ALAD: variants seen among roughly 807,000 people sequenced by gnomAD.
ALAD encodes the protein delta-aminolevulinic acid dehydratase.
Under a neutral mutation model 44.4 loss-of-function variants are expected in ALAD, and 20 were observed. That is an observed-to-expected ratio of 0.45 (90% CI 0.32 to 0.65). The LOEUF (loss-of-function observed/expected upper bound fraction) is 0.65, where lower values mean the gene tolerates loss of function less well. Among genes scored for constraint, ALAD ranks in the 30% least tolerant of loss-of-function variants. The probability of loss-of-function intolerance (pLI) is 0.05; values close to 1 mark genes in which losing one functional copy is unlikely to be tolerated. For missense variants in ALAD, 323 were observed against 445.7 expected (o/e 0.72, Z 2.48); for synonymous variants, 156 against 167.9 (o/e 0.93, Z 0.55).
In ALAD at chr9:113,387,558, G is replaced by T. The variant is rs187307200; in HGVS notation, c.*742C>A. The T allele has an allele frequency of 3.3e-5, 5 of 152,568 alleles. No homozygotes were observed. Among genetic ancestry groups the T allele is most frequent in the Admixed American group, 6.5e-5 (1 of 15,320 alleles). The allele number at this position is 152,568 out of a possible 1,614,324, so 9.5% of individuals were successfully genotyped here. On this transcript the variant is annotated 3_prime_UTR_variant, in exon 12 of 12. Transcript: ENST00000409155. ...AATTTCTATGAAGAGATAAGCTGAG[G>T]TCTGTCCTGCTGTATTCCCAGGACC...
At chr9:113,397,258 G>A (rs1464796526) in intron 1 of ALAD, 1 of 152,242 alleles carries the variant, frequency 6.6e-6, no homozygotes, top group Non-Finnish European at 1.5e-5. Context: ...ATTGCTTTCA[G>A]GAGGCTGAGG....
chr9:113,389,077 G>A lies in ALAD; in HGVS notation c.831C>T (p.His277=), dbSNP rs750264863. 60 of 1,613,882 alleles carry A rather than the reference G, an allele frequency of 3.7e-5. No individual in the cohort carries two copies. The highest frequency in any genetic ancestry group is 1.6e-4 in the Middle Eastern group (1 of 6,084). The change falls in exon 11 of 12, where the codon CAC becomes CAT. Residue 277 remains histidine (H), a synonymous_variant. Transcript: ENST00000409155. ...KHPDLPLAVY[H]VSGEFAMLWH... ...ACAGCATGGCAAACTCTCCAGAGAC[G>A]TGGTACACGGCGAGAGGGAGGTCAG...
At chr9:113,393,686 T>C in intron 1 of ALAD, 52 bp from the exon 2 acceptor site, 1 of 736,168 alleles carries the variant, frequency 1.4e-6, no homozygotes, top group Non-Finnish European at 2.4e-6. Context: ...CCTCAGGAGA[T>C]GGTCACATCT....
rs374069780 is a variant in ALAD at position 113,389,459 on chromosome 9, G to C, written c.780C>G (p.Ile260Met). The change falls in exon 10 of 12, where the codon ATC becomes ATG. Residue 260 changes from isoleucine (I) to methionine (M), a missense_variant. Transcript: ENST00000409155. ...TCACCTTGTCCTTTACCTCCCGCAC[G>C]ATGTCCAGGTAGGGCATTCCCGGCT... is the stretch of plus-strand genomic sequence containing the variant. ...MVKPGMPYLD[I>M]VREVKDKHPD... 6 of 1,613,774 alleles carry C rather than the reference G, an allele frequency of 3.7e-6. No homozygotes were observed. Among genetic ancestry groups the C allele is most frequent in the Non-Finnish European group, 5.1e-6 (6 of 1,180,028 alleles).
chr9:113,393,399 C>CAAACCCA, intron 2 of ALAD, 48 bp downstream of exon 2: 1 of 1,543,552 alleles, frequency 6.5e-7, no homozygotes, highest in Non-Finnish European at 9.0e-7. Context: ...TCCCCAACCC[C>CAAACCCA]AACCCCAACC....
chr9:113,399,574 A>G (rs1187243476), intron 1 of ALAD, among the ~76,000 whole-genome samples: 1 of 152,218 alleles, frequency 6.6e-6, no homozygotes, highest in Non-Finnish European at 1.5e-5. Context: ...GGGTGGTTTC[A>G]TGGAAGAGGG....
At position 113,390,586 on chromosome 9, in the gene ALAD, C is replaced by T. The variant is rs771781156; in HGVS notation, c.481+7G>A. 5 of 1,613,912 alleles carry T rather than the reference C, an allele frequency of 3.1e-6. No homozygotes were observed. The highest frequency in any genetic ancestry group is 4.2e-6 in the Non-Finnish European group (5 of 1,179,982). On this transcript the variant is annotated splice_region_variant and intron_variant, in intron 6 of 11. Coordinates refer to ENST00000409155, the MANE Select transcript of ALAD (RefSeq NM_000031.6). ...GAGGTGCCCATCCCTGCTGGTGGTT[C>T]ACTCACCTGCCTTGGCATACGCCAA...
rs1252915956 is a variant in ALAD at position 113,390,495 on chromosome 9, T to TG, written c.482-3dup. 2.5e-6 allele frequency: 4 copies of TG among 1,614,004 alleles called. No individual in the cohort carries two copies. The East Asian group carries it at 6.7e-5, about 27-fold the overall frequency. On this transcript the variant is annotated splice_region_variant and splice_polypyrimidine_tract_variant and intron_variant, in intron 6 of 11. Transcript: ENST00000409155. ...CCGACGGGGCTACCACCTGACATCC[T>TG]GGGGGGCAGAGGGTGGCCTTCAGAA...
intron 1 of ALAD, among the ~76,000 whole-genome samples, chr9:113,397,620 C>CTTTTTTTTT (rs554533853): frequency 4.6e-5 from 5 of 108,778 alleles, no homozygotes; most frequent in Non-Finnish European, 9.2e-5. Flanking sequence ...TTTTCCTTTT[C>CTTTTTTTTT]TTTTTTTTTT....
Position 113,392,180 on chromosome 9 carries a change from G to T in ALAD, c.114-11C>A, listed in dbSNP as rs150880780. The T allele has an allele frequency of 1.2e-6, 2 of 1,613,836 alleles. No homozygotes were observed. The highest frequency in any genetic ancestry group is 1.7e-6 in the Non-Finnish European group (2 of 1,179,866). ...TCATCAGGAACATCCCTGCAAGAGC[G>T]GGGGTGGGATATGGATTGGTAGCTG... On this transcript the variant is annotated splice_polypyrimidine_tract_variant and intron_variant, in intron 2 of 11. Coordinates refer to ENST00000409155, the MANE Select transcript of ALAD (RefSeq NM_000031.6).
intron 2 of ALAD, 40 bp downstream of exon 2, chr9:113,393,407 A>ACCCCCACC: frequency 6.4e-7 from 1 of 1,551,294 alleles, no homozygotes; most frequent in Non-Finnish European, 8.9e-7. Context: ...CCCAACCCCA[A>ACCCCCACC]CCAGCAGAGC....
Position 113,387,757 on chromosome 9 carries a change from A to C in ALAD, c.*543T>G, listed in dbSNP as rs1429731963. On this transcript the variant is annotated 3_prime_UTR_variant, in exon 12 of 12. Transcript: ENST00000409155. The stretch of plus-strand genomic sequence containing the variant: ...TAATTCTTCTCTGGGTTTATGGTTC[A>C]GAGTAGAATAGGAGACCTCAGGCAG... 17 of 178,514 alleles carry C rather than the reference A, an allele frequency of 9.5e-5. No homozygotes were observed. The highest frequency in any genetic ancestry group is 1.6e-4 in the Non-Finnish European group (13 of 82,702). 11.1% of individuals were successfully genotyped at this position (178,514 alleles called of 1,614,324 possible).
At chr9:113,397,942 T>C (rs1487138329) in intron 1 of ALAD, 1 of 152,176 alleles carries the variant, frequency 6.6e-6, no homozygotes, top group East Asian at 1.9e-4. Flanking sequence ...TATTTTTGCA[T>C]ATTGAGAGAA....
intron 4 of ALAD, among the ~76,000 whole-genome samples, chr9:113,391,264 G>A (rs764993649): frequency 3.9e-5 from 6 of 152,002 alleles, no homozygotes; most frequent in African/African-American, 7.3e-5. Flanking sequence ...GTGCACTGGC[G>A]CGATTTTGGC....
intron 11 of ALAD, 134 bp from the exon 12 acceptor site, chr9:113,388,495 C>T (rs576873822): frequency 4.9e-5 from 39 of 800,340 alleles, no homozygotes; most frequent in African/African-American, 6.8e-5. Flanking sequence ...CCACATGAGA[C>T]GGAGCCCAGC....
intron 10 of ALAD, 21 bp downstream of exon 10, chr9:113,389,417 T>C (rs751593984): frequency 1.8e-5 from 29 of 1,612,402 alleles, no homozygotes; most frequent in Non-Finnish European, 2.4e-5. Flanking sequence ...TGAGCCCCCT[T>C]TGCCTCGTAC....
In ALAD at chr9:113,387,151, C is replaced by A. The variant is rs1213168037; in HGVS notation, c.*1149G>T. The A allele has an allele frequency of 6.6e-6, 1 of 152,328 alleles. No homozygotes were observed. Among genetic ancestry groups the A allele is most frequent in the East Asian group, 1.9e-4 (1 of 5,194 alleles). 9.4% of individuals were successfully genotyped at this position (152,328 alleles called of 1,614,324 possible). A position where few individuals can be genotyped will look rare whatever the true frequency, so the allele number is the denominator to read the frequency against. On this transcript the variant is annotated 3_prime_UTR_variant, in exon 12 of 12. Transcript: ENST00000409155. ...CTCCACTCAGTTCAGGCCATCCTCT[C>A]AGTGCTCCAGACAAGCTAGCCTTGC...
At position 113,388,303 on chromosome 9, in the gene ALAD, T is replaced by A; in HGVS notation, c.990A>T (p.Glu330Asp). ...CTTGGGCCTGGCACTGTCTCCATCATTCCTCCTTCAGCCACTGCAGCAGCT... is the reference window on the plus strand; with the variant it reads ...CTTGGGCCTGGCACTGTCTCCATCAATCCTCCTTCAGCCACTGCAGCAGCT... ...TPQLLQWLKE[E>D] The change falls in exon 12 of 12, where the codon GAA (glutamate) becomes GAT (aspartate). Residue 330 changes from glutamate to aspartate, a missense_variant. By Grantham distance (45) the Glu-to-Asp change is conservative (BLOSUM62 2). Coordinates refer to ENST00000409155, the MANE Select transcript of ALAD (RefSeq NM_000031.6). 1 of 1,614,146 alleles carries A rather than the reference T, an allele frequency of 6.2e-7. No homozygotes were observed. The highest frequency in any genetic ancestry group is 8.5e-7 in the Non-Finnish European group (1 of 1,180,014).
At position 113,393,638 on chromosome 9, in the gene ALAD, T is replaced by TG. The variant is rs774975515; in HGVS notation, c.-75-5dup. The TG allele has an allele frequency of 3.9e-5, 44 of 1,140,960 alleles. No homozygotes were observed. Among genetic ancestry groups the TG allele is most frequent in the Non-Finnish European group, 5.2e-5 (39 of 754,086 alleles). The allele number at this position is 1,140,960 out of a possible 1,614,324, so 70.7% of individuals were successfully genotyped here. On this transcript the variant is annotated splice_polypyrimidine_tract_variant and splice_region_variant and intron_variant, in intron 1 of 11. Transcript: ENST00000409155. ...GGGCATTGGCTGCAGGCTCTGTCTG[T>TG]GGGGGGTGATGGGTGGCACATGAGA...
Sources: gnomAD v4.1 joint callset for allele counts (sites outside exome capture counted in the v4.1 genomes callset) on GRCh38, gnomAD v4.1.1 for gene constraint, MANE v1.5 for transcripts, NCBI Gene and HGNC (gene_info 2026-07-23, HGNC 2026-07-21) for gene names.